FRAS1: variants seen among roughly 807,000 people sequenced by gnomAD.
FRAS1 encodes the protein Fraser extracellular matrix complex subunit 1, also known as extracellular matrix organizing protein FRAS1.
A neutral mutation model predicts 435.2 loss-of-function variants in FRAS1; 290 were observed. The observed-to-expected ratio is 0.67, with a 90% confidence interval of 0.61 to 0.73. The LOEUF (loss-of-function observed/expected upper bound fraction) is 0.73. FRAS1 is among the 30% of genes least tolerant of loss of function. The pLI, the probability that FRAS1 is intolerant of heterozygous loss-of-function variation, is 0.00. For missense variants in FRAS1, 4,860 were observed against 5,001.5 expected (o/e 0.97, Z 0.85); for synonymous variants, 1,800 against 1,851.0 (o/e 0.97, Z 0.71).
At chr4:78,468,703 T>G (rs1455771095) in intron 50 of FRAS1, among the ~76,000 whole-genome samples, 1 of 152,230 alleles carries the variant, frequency 6.6e-6, no homozygotes, top group East Asian at 1.9e-4. Flanking sequence ...CCAGCTCTCC[T>G]GTAGTTCATA....
intron 2 of FRAS1, among the ~76,000 whole-genome samples, chr4:78,193,960 A>G (rs1183475858): frequency 6.6e-6 from 1 of 152,212 alleles, no homozygotes; most frequent in Non-Finnish European, 1.5e-5. Context: ...CCTTTAGGGC[A>G]GGCCTGGTGG....
At chr4:78,368,689 A>G (rs1731377293) in intron 22 of FRAS1, among the ~76,000 whole-genome samples, 1 of 152,244 alleles carries the variant, frequency 6.6e-6, no homozygotes, top group African/African-American at 2.4e-5. Context: ...TATACATGGC[A>G]TGAAAAACAT....
chr4:78,116,953 T>G (rs1416028793), intron 2 of FRAS1, among the ~76,000 whole-genome samples: 4 of 152,260 alleles, frequency 2.6e-5, no homozygotes, highest in African/African-American at 9.6e-5. Flanking sequence ...TGGCATGTTT[T>G]TGCAGTGGGT....
intron 58 of FRAS1, 130 bp from the exon 59 acceptor site, chr4:78,488,745 T>C (rs1496604): frequency 0.8 from 581,255 of 729,346 alleles, 235,290 homozygotes; most frequent in East Asian, 1. Flanking sequence ...CCACCTGTGA[T>C]TTGTCAGCCT....
intron 70 of FRAS1, among the ~76,000 whole-genome samples, chr4:78,532,598 T>G (rs899618926): frequency 2.0e-5 from 3 of 152,188 alleles, no homozygotes; most frequent in Non-Finnish European, 4.4e-5. Flanking sequence ...ACCTTTTGAC[T>G]TATATTTCCC....
intron 20 of FRAS1, among the ~76,000 whole-genome samples, chr4:78,345,841 C>G (rs1158031368): frequency 6.8e-6 from 1 of 146,208 alleles, no homozygotes. Context: ...ATGACCTATG[C>G]TTAAATTGAG....
chr4:78,200,179 G>C (rs915150871), intron 2 of FRAS1, among the ~76,000 whole-genome samples: 1 of 152,158 alleles, frequency 6.6e-6, no homozygotes, highest in Non-Finnish European at 1.5e-5. Flanking sequence ...TGTTACTGTC[G>C]ACAGTAGGTT....
chr4:78,225,908 G>A (rs1724249212), intron 2 of FRAS1, among the ~76,000 whole-genome samples: 1 of 151,910 alleles, frequency 6.6e-6, no homozygotes, highest in South Asian at 2.1e-4. Context: ...TTATTGATTA[G>A]GTTTATATCT....
chr4:78,214,591 G>A (rs1359193632), intron 2 of FRAS1, among the ~76,000 whole-genome samples: 1 of 152,104 alleles, frequency 6.6e-6, no homozygotes, highest in African/African-American at 2.4e-5. Context: ...ACAGTTTGTG[G>A]GTACCTCTCA....
chr4:78,124,226 A>T (rs1038975783), intron 2 of FRAS1, among the ~76,000 whole-genome samples: 1 of 152,326 alleles, frequency 6.6e-6, no homozygotes, highest in South Asian at 2.1e-4. Flanking sequence ...ATCTATTGAG[A>T]TAATCATGTG....
At chr4:78,334,329 AT>A (rs1284269118) in intron 19 of FRAS1, among the ~76,000 whole-genome samples, 2 of 96,444 alleles carry the variant, frequency 2.1e-5, no homozygotes, top group Admixed American at 1.0e-4. Context: ...ACTTTTTAAT[AT>A]TTTTTTCAAA....
intron 2 of FRAS1, among the ~76,000 whole-genome samples, chr4:78,209,256 G>A (rs1289676525): frequency 1.3e-5 from 2 of 152,156 alleles, no homozygotes; most frequent in Non-Finnish European, 2.9e-5. Flanking sequence ...CATTATATAT[G>A]TACGTCCATG....
rs145752516 is a variant in FRAS1 at position 78,122,025 on chromosome 4, C to T, written c.108+56009C>T. ...TAAGTTCTGGGTTACATGTGCAGAA[C>T]ATGCAGTTTTGTTACATAGGTATAC... On this transcript the variant is annotated intron_variant, in intron 2 of 73. Transcript: ENST00000512123. Among the ~76,000 whole-genome samples, 24 of 152,244 alleles carry T rather than the reference C, an allele frequency of 1.6e-4. No homozygotes were observed. In the East Asian group the frequency reaches 3.9e-3, roughly 25 times the overall value.
chr4:78,480,531 G>A (rs762127932), intron 56 of FRAS1, among the ~76,000 whole-genome samples: 7 of 152,186 alleles, frequency 4.6e-5, no homozygotes, highest in Non-Finnish European at 1.0e-4. Context: ...TGAAAGGGGA[G>A]AATGTGATAT....
At chr4:78,469,332 T>C (rs1358893108) in intron 50 of FRAS1, among the ~76,000 whole-genome samples, 1 of 152,198 alleles carries the variant, frequency 6.6e-6, no homozygotes, top group Non-Finnish European at 1.5e-5. Context: ...ATGTGTGTGT[T>C]GCATGCATGC....
rs1203447887 is a variant in FRAS1, at chr4:78,333,507, G to T, written c.2278+95G>T. 3.9e-6 allele frequency: 5 copies of T among 1,288,402 alleles called. No homozygotes were observed. In the Admixed American group the frequency reaches 1.3e-4, roughly 34 times the overall value. 79.8% of individuals were successfully genotyped at this position (1,288,402 alleles called of 1,614,324 possible). A position where few individuals can be genotyped will look rare whatever the true frequency, so the allele number is the denominator to read the frequency against. On this transcript the variant is annotated intron_variant, in intron 19 of 73. Transcript: ENST00000512123. ...GTAATTAGAAACCTTGTCATACCGG[G>T]GACTAAGATTCAGCTGTAAATCCTT...
At chr4:78,495,505 G>C (rs1039375828) in intron 59 of FRAS1, among the ~76,000 whole-genome samples, 1 of 152,170 alleles carries the variant, frequency 6.6e-6, no homozygotes, top group East Asian at 1.9e-4. Context: ...ATAAAAGCCT[G>C]TCTTAGTTAT....
rs950142521 is a variant in FRAS1, at chr4:78,450,629, T to C, written c.6463+290T>C. Among the ~76,000 whole-genome samples the C allele has an allele frequency of 2.6e-5, 4 of 152,064 alleles. No homozygotes were observed. The East Asian group carries it at 7.7e-4, about 29-fold the overall frequency. ...TTGCTGTGATGCTAAAAAGTATATA[T>C]GAGAGAGAGAGAAGGAAAAAAGAAG... is the stretch of plus-strand genomic sequence containing the variant. On this transcript the variant is annotated intron_variant, in intron 45 of 73. Coordinates refer to ENST00000512123, the MANE Select transcript of FRAS1 (RefSeq NM_025074.7).
At chr4:78,109,912 C>G (rs1490391005) in intron 2 of FRAS1, among the ~76,000 whole-genome samples, 1 of 13,050 alleles carries the variant, frequency 7.7e-5, no homozygotes, top group African/African-American at 4.0e-4. Flanking sequence ...TCTCAGGATA[C>G]AAAATCAATG....
Sources: allele counts gnomAD v4.1 joint callset (sites outside exome capture counted in the v4.1 genomes callset), GRCh38; gene constraint gnomAD v4.1.1; transcripts MANE v1.5; gene names NCBI Gene and HGNC (gene_info 2026-07-23, HGNC 2026-07-21).